SIK2: variants seen among roughly 807,000 people sequenced by gnomAD.
SIK2 encodes serine/threonine-protein kinase SIK2.
SIK2 carries 29 observed loss-of-function variants against 103.2 expected under a neutral mutation model. The observed-to-expected ratio is 0.28, with a 90% CI of 0.21 to 0.38. SIK2 has a LOEUF of 0.38. Among genes scored for constraint, SIK2 ranks in the 10% least tolerant of loss-of-function variants. The pLI is 1.00. For missense variants in SIK2, 879 were observed against 1,171.0 expected (o/e 0.75, Z 3.64); for synonymous variants, 412 against 446.1 (o/e 0.92, Z 0.96).
At chr11:111,723,112 CTAG>C (rs1003315376) in intron 14 of SIK2, among the ~76,000 whole-genome samples, 1 of 152,174 alleles carries the variant, frequency 6.6e-6, no homozygotes, top group African/African-American at 2.4e-5. Context: ...CACAGCCTCG[CTAG>C]TAGAAGCAGC....
At chr11:111,702,974 G>A (rs919130911) in intron 6 of SIK2, among the ~76,000 whole-genome samples, 1 of 151,692 alleles carries the variant, frequency 6.6e-6, no homozygotes, top group Non-Finnish European at 1.5e-5. Flanking sequence ...GTTTCCTTTA[G>A]CCCAGAATCT....
chr11:111,692,388 A>AAAAAAAAAAAAC (rs1942967737), intron 4 of SIK2, among the ~76,000 whole-genome samples: 3 of 110,916 alleles, frequency 2.7e-5, no homozygotes, highest in African/African-American at 3.1e-5. Context: ...AAAAAAAAAA[A>AAAAAAAAAAAAC]CACAAAAAGG....
intron 3 of SIK2, among the ~76,000 whole-genome samples, chr11:111,653,227 G>A (rs940311181): frequency 4.6e-5 from 7 of 152,160 alleles, no homozygotes; most frequent in South Asian, 4.1e-4. Flanking sequence ...GGGAAAAGAC[G>A]TTATTACTTT....
chr11:111,635,969 G>C (rs1376219931), intron 3 of SIK2, among the ~76,000 whole-genome samples: 7 of 152,194 alleles, frequency 4.6e-5, no homozygotes, highest in African/African-American at 1.7e-4. Flanking sequence ...TTGGCAGTCT[G>C]TGTTTCATTT....
Position 111,602,490 on chromosome 11 carries a change from C to T in SIK2, c.-74C>T. 2 of 1,390,412 alleles carry T rather than the reference C, an allele frequency of 1.4e-6. No homozygotes were observed. The highest frequency in any genetic ancestry group is 1.5e-5 in the African/African-American group (1 of 66,452). 86.1% of individuals were successfully genotyped at this position (1,390,412 alleles called of 1,614,324 possible). Reference sequence around the variant, plus strand: ...AAGGAGCAAGCGGAGCGGCCGTCGCCCAAGCCAAGCCGCGCTGCCAACCCT... The same window carrying T: ...AAGGAGCAAGCGGAGCGGCCGTCGCTCAAGCCAAGCCGCGCTGCCAACCCT... On this transcript the variant is annotated 5_prime_UTR_variant, in exon 1 of 15. Coordinates refer to ENST00000304987, the MANE Select transcript of SIK2 (RefSeq NM_015191.3). The surrounding 1 kb of genome is among the most constrained non-coding windows in gnomAD (Gnocchi z 4.5).
At chr11:111,719,597 T>G (rs903153438) in intron 9 of SIK2, among the ~76,000 whole-genome samples, 178 bp from the exon 10 acceptor site, 1 of 152,176 alleles carries the variant, frequency 6.6e-6, no homozygotes, top group Non-Finnish European at 1.5e-5. Flanking sequence ...GAGTTCTGAG[T>G]CCTGCAGTTG....
intron 3 of SIK2, among the ~76,000 whole-genome samples, chr11:111,641,795 C>A (rs1318511764): frequency 6.6e-6 from 1 of 152,146 alleles, no homozygotes; most frequent in East Asian, 1.9e-4. Flanking sequence ...TCCTGTTATT[C>A]CCTATGTGTA....
At chr11:111,697,988 G>T (rs1465376779) in intron 4 of SIK2, among the ~76,000 whole-genome samples, 1 of 152,148 alleles carries the variant, frequency 6.6e-6, no homozygotes, top group Non-Finnish European at 1.5e-5. Flanking sequence ...TCCAGCCTGG[G>T]CAACAGAGCA....
At chr11:111,643,178 T>C (rs980505510) in intron 3 of SIK2, among the ~76,000 whole-genome samples, 4 of 152,214 alleles carry the variant, frequency 2.6e-5, no homozygotes, top group African/African-American at 9.6e-5. Context: ...ATTTACTATA[T>C]CCTCAACCCC....
intron 3 of SIK2, among the ~76,000 whole-genome samples, chr11:111,641,363 TCTC>T (rs778056339): frequency 1.4e-4 from 22 of 152,182 alleles, no homozygotes; most frequent in Non-Finnish European, 2.4e-4. Context: ...ATTACCTTCT[TCTC>T]CTCCTAAATA....
At chr11:111,700,701 C>T (rs1338881794) in intron 4 of SIK2, among the ~76,000 whole-genome samples, 185 bp from the exon 5 acceptor site, 2 of 152,142 alleles carry the variant, frequency 1.3e-5, no homozygotes, top group African/African-American at 4.8e-5. Context: ...AGCAACATTC[C>T]TTGAGTACTA....
chr11:111,624,457 A>C (rs1469166165), intron 3 of SIK2, among the ~76,000 whole-genome samples: 2 of 152,158 alleles, frequency 1.3e-5, no homozygotes, highest in African/African-American at 4.8e-5. Context: ...AATTGTTAAC[A>C]TTACTTTGGG....
At chr11:111,616,677 A>G (rs1941810701) in intron 2 of SIK2, among the ~76,000 whole-genome samples, 2 of 152,038 alleles carry the variant, frequency 1.3e-5, no homozygotes, top group African/African-American at 4.8e-5. Context: ...TCTCTACCAA[A>G]AAATATATAT....
intron 1 of SIK2, 70 bp from the exon 2 acceptor site, chr11:111,616,173 G>T (rs1941803333): frequency 2.0e-6 from 2 of 1,017,724 alleles, no homozygotes; most frequent in South Asian, 1.4e-5. Context: ...GTCATTTATT[G>T]ACAGGATTCT....
At chr11:111,616,206 G>A (rs1941803928) in intron 1 of SIK2, 37 bp from the exon 2 acceptor site, 1 of 1,362,354 alleles carries the variant, frequency 7.3e-7, no homozygotes, top group Non-Finnish European at 1.0e-6. Flanking sequence ...GTTAACTATT[G>A]TATACTAATT....
chr11:111,727,013 G>C lies in SIK2; in HGVS notation c.*2884G>C. ...GCACTAGCTCTGCAATTCCCAGCTG[G>C]GCAAGTGTGTCTCTAGTATCTCCAC... is the stretch of plus-strand genomic sequence containing the variant. On this transcript the variant is annotated 3_prime_UTR_variant, in exon 15 of 15. Coordinates refer to ENST00000304987, the MANE Select transcript of SIK2 (RefSeq NM_015191.3). 3.7e-6 allele frequency: 6 copies of C among 1,614,116 alleles called. No homozygotes were observed. The highest frequency in any genetic ancestry group is 5.1e-6 in the Non-Finnish European group (6 of 1,180,018).
At chr11:111,658,513 C>G (rs1942424837) in intron 3 of SIK2, among the ~76,000 whole-genome samples, 2 of 152,146 alleles carry the variant, frequency 1.3e-5, no homozygotes. Flanking sequence ...GAGGCCGAGG[C>G]AGGCAAATCA....
intron 4 of SIK2, among the ~76,000 whole-genome samples, chr11:111,696,441 A>G (rs1943072108): frequency 6.6e-6 from 1 of 152,202 alleles, no homozygotes; most frequent in African/African-American, 2.4e-5. Flanking sequence ...ATCTAAAAGT[A>G]TTTCAAAATT....
intron 1 of SIK2, among the ~76,000 whole-genome samples, chr11:111,615,905 G>A (rs1034676794): frequency 6.6e-6 from 1 of 152,148 alleles, no homozygotes; most frequent in Non-Finnish European, 1.5e-5. Flanking sequence ...TTCACAGCAG[G>A]ATAACTAGTT....
Sources: allele counts gnomAD v4.1 joint callset (sites outside exome capture counted in the v4.1 genomes callset), GRCh38; gene constraint gnomAD v4.1.1; non-coding constraint Gnocchi (gnomAD v3.1); transcripts MANE v1.5; gene names NCBI Gene and HGNC (gene_info 2026-07-23, HGNC 2026-07-21).